The following LHFPL3 variants were observed in gnomAD, a reference collection of about 807,000 sequenced individuals.
The protein encoded by LHFPL3 is LHFPL tetraspan subfamily member 3 protein.
LHFPL3 carries 5 observed loss-of-function variants against 19.3 expected under a neutral mutation model. The ratio of observed to expected loss-of-function variants is 0.26; its 90% confidence interval spans 0.14 to 0.54. LHFPL3 has a LOEUF of 0.54. Among genes scored for constraint, LHFPL3 ranks in the 20% least tolerant of loss-of-function variants. The probability of loss-of-function intolerance (pLI) is 0.94; values close to 1 mark genes in which losing one functional copy is unlikely to be tolerated. For synonymous variants in LHFPL3, 133 were observed against 126.2 expected (o/e 1.05, Z -0.36); for missense variants, 249 against 307.4 (o/e 0.81, Z 1.42).
chr7:104,488,770 C>T lies in LHFPL3; in HGVS notation c.445+159546C>T, dbSNP rs117259187. On this transcript the variant is annotated intron_variant, in intron 1 of 2. Coordinates refer to ENST00000424859, the MANE Select transcript of LHFPL3 (RefSeq NM_199000.3). The stretch of plus-strand genomic sequence containing the variant: ...GGTCAAGGAATCACAGCCACAAGGA[C>T]GCAGCATGTTGAGAATCCAGAGCAC... Among the ~76,000 whole-genome samples the T allele has an allele frequency of 4.0e-3, 610 of 152,244 alleles. 22 individuals carry two copies. The East Asian group carries it at 0.096, about 24-fold the overall frequency.
chr7:104,406,168 A>G (rs1791409194), intron 1 of LHFPL3, among the ~76,000 whole-genome samples: 1 of 152,196 alleles, frequency 6.6e-6, no homozygotes, highest in Non-Finnish European at 1.5e-5. Context: ...AATTCTTGCC[A>G]ATTGACAGCT....
chr7:104,337,041 G>A (rs1789823819), intron 1 of LHFPL3, among the ~76,000 whole-genome samples: 1 of 151,912 alleles, frequency 6.6e-6, no homozygotes, highest in Non-Finnish European at 1.5e-5. Flanking sequence ...AGTGTTTGTA[G>A]ACTCCTTCTG....
intron 1 of LHFPL3, among the ~76,000 whole-genome samples, chr7:104,682,215 A>G (rs917031443): frequency 1.3e-5 from 2 of 152,198 alleles, no homozygotes; most frequent in Non-Finnish European, 2.9e-5. Context: ...GTCAAAAAAA[A>G]GTAGAAAGTG....
intron 1 of LHFPL3, among the ~76,000 whole-genome samples, chr7:104,622,260 C>A (rs916489728): frequency 2.5e-4 from 38 of 152,262 alleles, no homozygotes; most frequent in African/African-American, 8.9e-4. Flanking sequence ...CAGGCATGGG[C>A]CACCACACTC....
intron 1 of LHFPL3, among the ~76,000 whole-genome samples, chr7:104,349,114 A>G (rs898121360): frequency 6.6e-6 from 1 of 152,200 alleles, no homozygotes; most frequent in Non-Finnish European, 1.5e-5. Context: ...TAAATGAAGA[A>G]AGAAAAACCT....
Position 104,668,758 on chromosome 7 carries a change from G to T in LHFPL3, c.446-67917G>T, listed in dbSNP as rs867613869. Reference sequence around the variant, plus strand: ...GACCCAAACTGAATCTAAAGCCTCGGAGTACTCCTAAGGAAGATGATTCCT... The same window carrying T: ...GACCCAAACTGAATCTAAAGCCTCGTAGTACTCCTAAGGAAGATGATTCCT... On this transcript the variant is annotated intron_variant, in intron 1 of 2. Transcript: ENST00000424859. The T allele has an allele frequency of 3.6e-5, 58 of 1,608,442 alleles. No individual in the cohort carries two copies. In the Middle Eastern group the frequency reaches 2.3e-3, roughly 63 times the overall value.
chr7:104,670,869 T>TTG (rs908046970), intron 1 of LHFPL3, among the ~76,000 whole-genome samples: 13 of 151,946 alleles, frequency 8.6e-5, no homozygotes, highest in East Asian at 5.8e-4. Context: ...TTGTTTTGTT[T>TTG]TTTTTTTTTT....
At chr7:104,390,686 TG>T (rs1396896801) in intron 1 of LHFPL3, among the ~76,000 whole-genome samples, 19 of 152,364 alleles carry the variant, frequency 1.2e-4, no homozygotes, top group Non-Finnish European at 2.8e-4. Context: ...TATAATCCTT[TG>T]GGTATATACC....
rs1792956929 is a variant in LHFPL3 at position 104,473,913 on chromosome 7, T to A, written c.445+144689T>A. Among the ~76,000 whole-genome samples the A allele has an allele frequency of 2.6e-5, 4 of 152,370 alleles. No homozygotes were observed. In the South Asian group the frequency reaches 8.3e-4, roughly 32 times the overall value. The stretch of plus-strand genomic sequence containing the variant: ...AAACATTTACTTGGGGATAAATATT[T>A]ATAAAGCTCTATGACACACATATCC... On this transcript the variant is annotated intron_variant, in intron 1 of 2. Coordinates refer to ENST00000424859, the MANE Select transcript of LHFPL3 (RefSeq NM_199000.3).
intron 1 of LHFPL3, among the ~76,000 whole-genome samples, chr7:104,353,305 G>A (rs1365505618): frequency 1.3e-5 from 2 of 152,184 alleles, no homozygotes; most frequent in Non-Finnish European, 2.9e-5. Flanking sequence ...GAGTAAATTA[G>A]GGTACACCAT....
intron 1 of LHFPL3, among the ~76,000 whole-genome samples, chr7:104,642,566 T>C (rs1314423814): frequency 6.6e-6 from 1 of 152,198 alleles, no homozygotes; most frequent in Middle Eastern, 3.2e-3. Context: ...GTATAAGTTG[T>C]TTTTACAAAA....
At chr7:104,735,384 C>T (rs573851194) in intron 1 of LHFPL3, among the ~76,000 whole-genome samples, 23 of 152,332 alleles carry the variant, frequency 1.5e-4, no homozygotes, top group Admixed American at 1.2e-3. Context: ...GCTTCCCAGC[C>T]GCTTTGTTTA....
chr7:104,616,385 G>A (rs939084398), intron 1 of LHFPL3, among the ~76,000 whole-genome samples: 3 of 152,034 alleles, frequency 2.0e-5, no homozygotes, highest in Admixed American at 1.3e-4. Flanking sequence ...CAAGAAATGG[G>A]GAAAGGATTC....
Position 104,535,230 on chromosome 7 carries a change from G to A in LHFPL3, c.446-201445G>A, listed in dbSNP as rs74694733. 6.7e-3 allele frequency among the ~76,000 whole-genome samples: 1,014 copies of A among 152,272 alleles called. 12 individuals are homozygous for A. Among genetic ancestry groups the A allele is most frequent in the African/African-American group, 0.024 (978 of 41,554 alleles). On this transcript the variant is annotated intron_variant, in intron 1 of 2. Transcript: ENST00000424859. ...AATGGAACACTTGGTATTATTTCAC[G>A]TCTCTGGAAAAGGATTGCTCACATT... is the stretch of plus-strand genomic sequence containing the variant.
At chr7:104,621,347 C>T (rs1369183112) in intron 1 of LHFPL3, among the ~76,000 whole-genome samples, 12 of 152,238 alleles carry the variant, frequency 7.9e-5, no homozygotes, top group East Asian at 1.9e-4. Flanking sequence ...CAAGCATGCT[C>T]ATGCTGTTTT....
At chr7:104,883,256 C>G (rs982141334) in intron 2 of LHFPL3, among the ~76,000 whole-genome samples, 4 of 145,500 alleles carry the variant, frequency 2.7e-5, no homozygotes, top group African/African-American at 1.1e-4. Flanking sequence ...TCATAACATT[C>G]TAACGTTCCC....
At chr7:104,593,808 T>A (rs967678686) in intron 1 of LHFPL3, among the ~76,000 whole-genome samples, 1 of 152,342 alleles carries the variant, frequency 6.6e-6, no homozygotes, top group East Asian at 1.9e-4. Flanking sequence ...CTTCTTTGTC[T>A]CTTTTGAACC....
chr7:104,681,805 C>G (rs966200774), intron 1 of LHFPL3, among the ~76,000 whole-genome samples: 6 of 152,150 alleles, frequency 3.9e-5, no homozygotes, highest in African/African-American at 1.4e-4. Context: ...ATATCATCCT[C>G]CGAACCTTAA....
chr7:104,833,014 T>TATATATAATAGATATATATATA (rs1790991249), intron 2 of LHFPL3, among the ~76,000 whole-genome samples: 2 of 88,280 alleles, frequency 2.3e-5, no homozygotes, highest in African/African-American at 1.1e-4. Context: ...ATATATATAT[T>TATATATAATAGATATATATATA]ATATATAATA....
Sources: allele counts gnomAD v4.1 joint callset (sites outside exome capture counted in the v4.1 genomes callset), GRCh38; gene constraint gnomAD v4.1.1; transcripts MANE v1.5; gene names NCBI Gene and HGNC (gene_info 2026-07-23, HGNC 2026-07-21).